CHERP: variants seen among roughly 807,000 people sequenced by gnomAD.
CHERP encodes ERPROT 213-21.
Under a neutral mutation model 113.8 loss-of-function variants are expected in CHERP, and 8 were observed. The ratio of observed to expected loss-of-function variants is 0.07; its 90% CI spans 0.04 to 0.13. CHERP has a LOEUF of 0.13. CHERP is among the 10% of genes least tolerant of loss of function. The pLI is 1.00. For missense variants in CHERP, 884 were observed against 1,298.2 expected (o/e 0.68, Z 4.90); for synonymous variants, 559 against 524.5 (o/e 1.07, Z -0.90).
At chr19:16,537,808 C>T (rs1221457199) in intron 2 of CHERP, among the ~76,000 whole-genome samples, 1 of 152,154 alleles carries the variant, frequency 6.6e-6, no homozygotes, top group East Asian at 1.9e-4. Flanking sequence ...ATGGAGTGGT[C>T]CCTGGGCTAC....
In CHERP at chr19:16,541,985, G is replaced by A. The variant is rs1599757542; in HGVS notation, c.84C>T (p.Pro28=). ...TCTCCATAGTCATCTTCTCAAACTC[G>A]GGCCCATTGCGAGCCACGAACTGGG... ...KLAQFVARNG[P]EFEKMTMEKQ... is the part of the protein sequence containing the mutation. Residue 28 remains proline, a synonymous_variant, in exon 2 of 17, where the codon CCC becomes CCT. Transcript: ENST00000546361. 1 of 1,614,006 alleles carries A rather than the reference G, an allele frequency of 6.2e-7. No individual in the cohort carries two copies. The highest frequency in any genetic ancestry group is 8.5e-7 in the Non-Finnish European group (1 of 1,179,968).
In CHERP at chr19:16,525,960, C is replaced by T. The variant is rs74401365; in HGVS notation, c.1306-283G>A. On this transcript the variant is annotated intron_variant, in intron 9 of 16. Transcript: ENST00000546361. The surrounding 1 kb of genome is among the most constrained non-coding windows in gnomAD (Gnocchi z 6.5). ...GCGCGCTGCACCCGCACACAGGCCG[C>T]CCGCGCCACAAGGTGCTCCCCGCTA... is the stretch of plus-strand genomic sequence containing the variant. Among the ~76,000 whole-genome samples the T allele has an allele frequency of 0.08, 12,215 of 152,306 alleles. 524 individuals are homozygous for T. The highest frequency in any genetic ancestry group is 0.11 in the South Asian group (545 of 4,834).
At chr19:16,529,943 G>T in intron 7 of CHERP, 43 bp from the exon 8 acceptor site, 1 of 1,581,822 alleles carries the variant, frequency 6.3e-7, no homozygotes, top group South Asian at 1.1e-5. Flanking sequence ...TGCGGCCTTG[G>T]GGCTCGCTGC....
Position 16,520,702 on chromosome 19 carries a change from A to C in CHERP, c.2201+124T>G. The C allele has an allele frequency of 8.4e-7, 1 of 1,189,280 alleles. No individual in the cohort carries two copies. Among genetic ancestry groups the C allele is most frequent in the Non-Finnish European group, 1.2e-6 (1 of 812,836 alleles). 73.7% of individuals were successfully genotyped at this position (1,189,280 alleles called of 1,614,324 possible). On this transcript the variant is annotated intron_variant, in intron 13 of 16. Transcript: ENST00000546361. The surrounding 1 kb of genome is among the most constrained non-coding windows in gnomAD (Gnocchi z 4.0). ...CTGTGTGAATTCAGGCCTTGTGGAA[A>C]ACACCGCCCCATAGGCACAGGCTGT...
chr19:16,528,533 ACT>A (rs1476873089), intron 8 of CHERP, among the ~76,000 whole-genome samples: 2 of 152,216 alleles, frequency 1.3e-5, no homozygotes, highest in African/African-American at 4.8e-5. Flanking sequence ...TTCTATCCAC[ACT>A]GAATTTGATT....
At position 16,525,730 on chromosome 19, in the gene CHERP, G is replaced by A. The variant is rs2085653652; in HGVS notation, c.1306-53C>T. 5.0e-6 allele frequency: 7 copies of A among 1,402,072 alleles called. No homozygotes were observed. Among genetic ancestry groups the A allele is most frequent in the Non-Finnish European group, 6.5e-6 (7 of 1,069,184 alleles). 86.9% of individuals were successfully genotyped at this position (1,402,072 alleles called of 1,614,324 possible). A position where few individuals can be genotyped will look rare whatever the true frequency, so the allele number is the denominator to read the frequency against. On this transcript the variant is annotated intron_variant, in intron 9 of 16. Coordinates refer to ENST00000546361, the MANE Select transcript of CHERP (RefSeq NM_006387.6). The surrounding 1 kb of genome is among the most constrained non-coding windows in gnomAD (Gnocchi z 6.5). The stretch of plus-strand genomic sequence containing the variant: ...CTGCGTGGTCTAGGCCCTAGTGCTC[G>A]GCAGCATCACAGCGCTCGGCAGCAT...
chr19:16,522,204 A>G (rs962917175), intron 11 of CHERP, among the ~76,000 whole-genome samples: 8 of 151,922 alleles, frequency 5.3e-5, no homozygotes, highest in Non-Finnish European at 1.0e-4. Flanking sequence ...GGGGGTGGGA[A>G]GTGGCAGTGG....
Position 16,521,541 on chromosome 19 carries a change from G to A in CHERP, c.2094C>T (p.Ser698=), listed in dbSNP as rs528037867. ...CTTACCTGTTCCTGGGCCTGTCGTGGGACGGGGGGCTGTAGAAGGCCTCCA... is the reference window on the plus strand; with the variant it reads ...CTTACCTGTTCCTGGGCCTGTCGTGAGACGGGGGGCTGTAGAAGGCCTCCA... ...AAVEAFYSPP[S]HDRPRNSEGW... The change falls in exon 12 of 17, where the codon TCC becomes TCT. Residue 698 remains serine, a synonymous_variant. Transcript: ENST00000546361. The A allele has an allele frequency of 4.7e-5, 76 of 1,600,424 alleles. No homozygotes were observed. The highest frequency in any genetic ancestry group is 6.1e-5 in the Non-Finnish European group (72 of 1,175,420).
At chr19:16,531,974 T>TC (rs2085708493) in intron 5 of CHERP, 1 of 147,894 alleles carries the variant, frequency 6.8e-6, no homozygotes, top group Non-Finnish European at 1.5e-5. Flanking sequence ...GTTTTTTTTT[T>TC]CTTTTTTGCT....
Position 16,519,745 on chromosome 19 carries a change from G to A in CHERP, c.2463-30C>T. 1 of 1,554,594 alleles carries A rather than the reference G, an allele frequency of 6.4e-7. No homozygotes were observed. The highest frequency in any genetic ancestry group is 8.9e-7 in the Non-Finnish European group (1 of 1,126,100). On this transcript the variant is annotated intron_variant, in intron 15 of 16. Coordinates refer to ENST00000546361, the MANE Select transcript of CHERP (RefSeq NM_006387.6). The surrounding 1 kb of genome is among the most constrained non-coding windows in gnomAD (Gnocchi z 6.0). ...AATCGAGACAGGTTATTCTTTTTAA[G>A]AAGTAACTGAGACATTTATTGGAAT...
At chr19:16,528,914 C>T (rs1161954384) in intron 8 of CHERP, among the ~76,000 whole-genome samples, 3 of 152,216 alleles carry the variant, frequency 2.0e-5, no homozygotes, top group Non-Finnish European at 4.4e-5. Context: ...GATCACGCCA[C>T]TGCACTCCAG....
chr19:16,530,901 G>A lies in CHERP; in HGVS notation c.675-21C>T, dbSNP rs774258030. 1.4e-5 allele frequency: 22 copies of A among 1,609,276 alleles called. No homozygotes were observed. Among genetic ancestry groups the A allele is most frequent in the Middle Eastern group, 1.6e-4 (1 of 6,068 alleles). On this transcript the variant is annotated intron_variant, in intron 5 of 16. Coordinates refer to ENST00000546361, the MANE Select transcript of CHERP (RefSeq NM_006387.6). The surrounding 1 kb of genome is among the most constrained non-coding windows in gnomAD (Gnocchi z 4.1). Reference sequence around the variant, plus strand: ...GCTGGCTGTGAGGGAGAGACTTTCCGCGCGTCAGGGCCCTGGGGCGGGACC... The same window carrying A: ...GCTGGCTGTGAGGGAGAGACTTTCCACGCGTCAGGGCCCTGGGGCGGGACC...
chr19:16,539,132 T>A (rs1445235190), intron 2 of CHERP, among the ~76,000 whole-genome samples: 1 of 150,370 alleles, frequency 6.7e-6, no homozygotes, highest in Non-Finnish European at 1.5e-5. Context: ...GGCTTCCCGC[T>A]GCCTTTAGAA....
chr19:16,531,744 G>A (rs954577102), intron 5 of CHERP, among the ~76,000 whole-genome samples: 1 of 152,218 alleles, frequency 6.6e-6, no homozygotes, highest in Non-Finnish European at 1.5e-5. Flanking sequence ...CTGGTGCCGA[G>A]CCGCAACTCA....
intron 2 of CHERP, among the ~76,000 whole-genome samples, chr19:16,537,485 C>A (rs955605238): frequency 5.9e-5 from 9 of 152,144 alleles, no homozygotes; most frequent in African/African-American, 2.2e-4. Flanking sequence ...TAACCACCAA[C>A]TGCACGGCCC....
intron 9 of CHERP, among the ~76,000 whole-genome samples, chr19:16,526,687 A>C (rs943294254): frequency 1.3e-5 from 2 of 152,026 alleles, no homozygotes; most frequent in Admixed American, 1.3e-4. Flanking sequence ...GGCTGGTCTC[A>C]AACTCCTGAC....
At chr19:16,521,028 T>C in intron 12 of CHERP, 116 bp from the exon 13 acceptor site, 4 of 891,694 alleles carry the variant, frequency 4.5e-6, no homozygotes, top group Non-Finnish European at 7.3e-6. Context: ...CCTGTGGCTG[T>C]GGGCTCCGAG....
At chr19:16,522,307 G>A (rs2085623781) in intron 11 of CHERP, among the ~76,000 whole-genome samples, 1 of 151,686 alleles carries the variant, frequency 6.6e-6, no homozygotes, top group Non-Finnish European at 1.5e-5. Flanking sequence ...CGCCCAGGCT[G>A]GAGTGTAGTG....
rs964776794 is a variant in CHERP, at chr19:16,518,364, C to A, written c.*795G>T. ...GCAGGGGACGCGACGGGCACAGACT[C>A]CGAGGCAGCGCTCAACCTGAAGTGT... On this transcript the variant is annotated 3_prime_UTR_variant, in exon 17 of 17. Transcript: ENST00000546361. 1.3e-5 allele frequency: 2 copies of A among 152,050 alleles called. No homozygotes were observed. Among genetic ancestry groups the A allele is most frequent in the Non-Finnish European group, 2.9e-5 (2 of 68,030 alleles). 9.4% of individuals were successfully genotyped at this position (152,050 alleles called of 1,614,324 possible). A position where few individuals can be genotyped will look rare whatever the true frequency, so the allele number is the denominator to read the frequency against.
Sources: gnomAD v4.1 joint callset for allele counts (sites outside exome capture counted in the v4.1 genomes callset) on GRCh38, gnomAD v4.1.1 for gene constraint, Gnocchi (gnomAD v3.1) non-coding constraint, MANE v1.5 for transcripts, NCBI Gene and HGNC (gene_info 2026-07-23, HGNC 2026-07-21) for gene names.